Variants in GRAMD1B observed in about 807,000 individuals in gnomAD.
GRAMD1B encodes GRAM domain containing 1B.
GRAMD1B carries 37 observed loss-of-function variants against 99.7 expected under a neutral mutation model. That is an observed-to-expected ratio of 0.37 (90% CI 0.29 to 0.49). The LOEUF is 0.49. GRAMD1B is among the 20% of genes least tolerant of loss of function. The pLI is 0.98. For synonymous variants in GRAMD1B, 427 were observed against 387.6 expected, an observed-to-expected ratio of 1.10 and a Z score of -1.19; for missense variants, 888 against 1,009.2, an observed-to-expected ratio of 0.88 and a Z score of 1.63.
chr11:123,563,113 G>A (rs1946960619), intron 2 of GRAMD1B, among the ~76,000 whole-genome samples: 1 of 152,234 alleles, frequency 6.6e-6, no homozygotes, highest in Non-Finnish European at 1.5e-5. Context: ...GAGTCCAGCA[G>A]GTGCCGAGAA....
chr11:123,373,144 A>T (rs1946582957), intron 1 of GRAMD1B, among the ~76,000 whole-genome samples: 4 of 152,204 alleles, frequency 2.6e-5, no homozygotes, highest in South Asian at 2.1e-4. Context: ...GTCTCAAAAA[A>T]ATATATAAAT....
At chr11:123,499,674 A>G (rs548241478) in intron 2 of GRAMD1B, among the ~76,000 whole-genome samples, 1 of 152,104 alleles carries the variant, frequency 6.6e-6, no homozygotes, top group African/African-American at 2.4e-5. Flanking sequence ...TTCCACTGAG[A>G]TGTGGAGAAA....
In GRAMD1B at chr11:123,481,389, G is replaced by A. The variant is rs35384622; in HGVS notation, c.452+496G>A. Reference sequence around the variant, plus strand: ...GAATCGCTTGAACCTGGGAGGCAGAGGTTGCAGTGAGCCAAGATCGCGCTA... The same window carrying A: ...GAATCGCTTGAACCTGGGAGGCAGAAGTTGCAGTGAGCCAAGATCGCGCTA... On this transcript the variant is annotated intron_variant, in intron 2 of 19. Coordinates refer to ENST00000635736, the MANE Select transcript of GRAMD1B (RefSeq NM_001387025.1). 2.5e-3 allele frequency among the ~76,000 whole-genome samples: 382 copies of A among 152,306 alleles called. 3 individuals carry two copies. The highest frequency in any genetic ancestry group is 1.7e-3 in the Non-Finnish European group (117 of 68,026).
At chr11:123,371,854 C>T (rs1480886385) in intron 1 of GRAMD1B, among the ~76,000 whole-genome samples, 1 of 152,152 alleles carries the variant, frequency 6.6e-6, no homozygotes, top group African/African-American at 2.4e-5. Context: ...GCCTCAAGCT[C>T]CCCCTGTATC....
At chr11:123,392,607 T>C (rs759735485) in intron 1 of GRAMD1B, among the ~76,000 whole-genome samples, 6 of 152,026 alleles carry the variant, frequency 3.9e-5, no homozygotes, top group Non-Finnish European at 5.9e-5. Flanking sequence ...GATTCTCTCC[T>C]CCCTTAATTT....
intron 2 of GRAMD1B, among the ~76,000 whole-genome samples, chr11:123,545,035 G>T (rs1050557641): frequency 1.3e-5 from 2 of 152,154 alleles, no homozygotes; most frequent in African/African-American, 4.8e-5. Flanking sequence ...AGGACAGTGG[G>T]CTGTCTTTGG....
At chr11:123,491,112 C>T (rs977604104) in intron 2 of GRAMD1B, among the ~76,000 whole-genome samples, 1 of 152,094 alleles carries the variant, frequency 6.6e-6, no homozygotes, top group African/African-American at 2.4e-5. Context: ...GTGGGTGGAT[C>T]ACCTGAGGTC....
intron 1 of GRAMD1B, among the ~76,000 whole-genome samples, chr11:123,383,944 C>T (rs969452734): frequency 2.7e-4 from 41 of 152,194 alleles, no homozygotes; most frequent in African/African-American, 9.1e-4. Context: ...GATCTCAGCT[C>T]ACTGCAACCT....
chr11:123,389,208 C>G (rs1591407706), intron 1 of GRAMD1B, among the ~76,000 whole-genome samples: 1 of 152,112 alleles, frequency 6.6e-6, no homozygotes, highest in South Asian at 2.1e-4. Flanking sequence ...CATGGTGAAA[C>G]CCCGTCTTTA....
intron 2 of GRAMD1B, among the ~76,000 whole-genome samples, chr11:123,555,121 C>T (rs1265179369): frequency 1.3e-5 from 2 of 152,054 alleles, no homozygotes; most frequent in African/African-American, 2.4e-5. Flanking sequence ...TTGTGCCAGC[C>T]GGCAAAGAAG....
At chr11:123,614,535 AATG>A (rs982932034) in intron 16 of GRAMD1B, among the ~76,000 whole-genome samples, 4 of 152,112 alleles carry the variant, frequency 2.6e-5, no homozygotes, top group Non-Finnish European at 5.9e-5. Flanking sequence ...TCATTTGTTC[AATG>A]ATGACCTGAC....
intron 2 of GRAMD1B, among the ~76,000 whole-genome samples, chr11:123,503,989 A>G (rs144844746): frequency 4.6e-4 from 70 of 152,368 alleles, no homozygotes; most frequent in African/African-American, 1.6e-3. Flanking sequence ...TCATGAAGCT[A>G]TTAAATAATG....
At chr11:123,379,795 T>A (rs1017943705) in intron 1 of GRAMD1B, among the ~76,000 whole-genome samples, 9 of 152,224 alleles carry the variant, frequency 5.9e-5, no homozygotes, top group African/African-American at 2.2e-4. Context: ...ACATTCAGTG[T>A]AAGTATATTG....
intron 2 of GRAMD1B, among the ~76,000 whole-genome samples, chr11:123,500,972 C>A (rs1939794338): frequency 6.6e-6 from 1 of 151,964 alleles, no homozygotes; most frequent in South Asian, 2.1e-4. Flanking sequence ...CCATGCCTGG[C>A]AATAGATGCC....
chr11:123,579,857 T>A lies in GRAMD1B; in HGVS notation c.663+2280T>A, dbSNP rs552534185. ...GACCAGGTAGAATTCTGAGTGGGGT[T>A]TTGGAGATGCTAAAAGGAGACATAA... On this transcript the variant is annotated intron_variant, in intron 3 of 19. Transcript: ENST00000635736. Among the ~76,000 whole-genome samples the A allele has an allele frequency of 7.4e-4, 112 of 152,166 alleles. 1 individual carries two copies. The highest frequency in any genetic ancestry group is 2.5e-3 in the African/African-American group (105 of 41,490).
Position 123,379,432 on chromosome 11 carries a change from T to C in GRAMD1B, c.-176+20633T>C, listed in dbSNP as rs147132760. ...TTAAAAAAAAAACAAACTTCTATCT[T>C]CTAGCTTTAATTCTGGCCTTCTGTG... On this transcript the variant is annotated intron_variant, in intron 1 of 20. Coordinates refer to the GRAMD1B transcript ENST00000638157. Among the ~76,000 whole-genome samples, 3 of 152,338 alleles carry C rather than the reference T, an allele frequency of 2.0e-5. No homozygotes were observed. The East Asian group carries it at 5.8e-4, about 29-fold the overall frequency.
chr11:123,555,371 C>A lies in GRAMD1B; in HGVS notation c.453-21996C>A, dbSNP rs112531956. Among the ~76,000 whole-genome samples, 1,238 of 152,272 alleles carry A rather than the reference C, an allele frequency of 8.1e-3. 23 individuals are homozygous for A. Among genetic ancestry groups the A allele is most frequent in the African/African-American group, 0.028 (1,155 of 41,554 alleles). On this transcript the variant is annotated intron_variant, in intron 2 of 19. Transcript: ENST00000635736. The stretch of plus-strand genomic sequence containing the variant: ...TTTATTTTATTATAATTTTTTGAGA[C>A]AGAGTCTCACTCTGTCACCGAGGCT...
intron 2 of GRAMD1B, among the ~76,000 whole-genome samples, chr11:123,499,437 C>T (rs896144816): frequency 1.6e-4 from 25 of 152,188 alleles, no homozygotes; most frequent in African/African-American, 4.8e-4. Flanking sequence ...AGGGACACAA[C>T]TTCTGTGTCC....
chr11:123,468,967 A>C (rs139822407), intron 1 of GRAMD1B, among the ~76,000 whole-genome samples: 1 of 152,138 alleles, frequency 6.6e-6, no homozygotes, highest in African/African-American at 2.4e-5. Flanking sequence ...AAACCCCAAG[A>C]ACATAGATGC....
Sources: allele counts gnomAD v4.1 joint callset (sites outside exome capture counted in the v4.1 genomes callset), GRCh38; gene constraint gnomAD v4.1.1; transcripts MANE v1.5; gene names NCBI Gene and HGNC (gene_info 2026-07-23, HGNC 2026-07-21).